The following KCNH1 variants were observed in gnomAD, a reference collection of about 807,000 sequenced individuals.
The protein encoded by KCNH1 is potassium voltage-gated channel subfamily H member 1.
KCNH1 carries 27 observed loss-of-function variants against 69.2 expected under a neutral mutation model. The observed-to-expected ratio is 0.39, with a 90% confidence interval of 0.29 to 0.54. The LOEUF is 0.54. KCNH1 is among the 20% of genes least tolerant of loss of function. The pLI, the probability that KCNH1 is intolerant of heterozygous loss-of-function variation, is 0.68. For synonymous variants in KCNH1, 456 were observed against 487.7 expected (o/e 0.93, Z 0.86); for missense variants, 798 against 1,261.6 (o/e 0.63, Z 5.57).
intron 3 of KCNH1, among the ~76,000 whole-genome samples, chr1:211,092,421 A>G (rs946620650): frequency 1.3e-5 from 2 of 152,238 alleles, no homozygotes; most frequent in African/African-American, 4.8e-5. Flanking sequence ...CCCAACGGAA[A>G]TGTGTTCTCC....
At chr1:210,878,236 C>G (rs1686422942) in intron 7 of KCNH1, among the ~76,000 whole-genome samples, 1 of 151,604 alleles carries the variant, frequency 6.6e-6, no homozygotes, top group African/African-American at 2.4e-5. Context: ...ATAGACAGAC[C>G]CAGGAGGCAG....
intron 6 of KCNH1, among the ~76,000 whole-genome samples, chr1:210,960,171 T>A (rs1262674889): frequency 6.6e-6 from 1 of 152,222 alleles, no homozygotes; most frequent in Non-Finnish European, 1.5e-5. Context: ...ATGAATCCAC[T>A]ATGCAGCCTG....
intron 6 of KCNH1, among the ~76,000 whole-genome samples, chr1:210,996,180 T>C (rs1571561932): frequency 6.6e-6 from 1 of 151,672 alleles, no homozygotes; most frequent in African/African-American, 2.4e-5. Context: ...CGAAGCAGGG[T>C]GAGGCATCGC....
chr1:210,939,120 A>G (rs1687833637), intron 6 of KCNH1, among the ~76,000 whole-genome samples: 1 of 152,080 alleles, frequency 6.6e-6, no homozygotes, highest in Non-Finnish European at 1.5e-5. Context: ...ATGGTCCTTC[A>G]CTCATTCTTT....
At chr1:210,716,875 G>A (rs1048658120) in intron 10 of KCNH1, among the ~76,000 whole-genome samples, 1 of 152,128 alleles carries the variant, frequency 6.6e-6, no homozygotes, top group African/African-American at 2.4e-5. Flanking sequence ...AGAAAGTGGG[G>A]CTAGAGGTTC....
intron 5 of KCNH1, among the ~76,000 whole-genome samples, chr1:211,062,209 T>C (rs1571616873): frequency 1.3e-5 from 2 of 152,096 alleles, no homozygotes; most frequent in Admixed American, 6.5e-5. Context: ...AAAACATACA[T>C]TGGGGAAAGA....
rs1399246052 is a variant in KCNH1, at chr1:211,002,271, T to C, written c.1032+16512A>G. Among the ~76,000 whole-genome samples the C allele has an allele frequency of 2.0e-5, 3 of 149,402 alleles. No individual in the cohort carries two copies. The South Asian group carries it at 6.4e-4, about 32-fold the overall frequency. ...ACGTATATATATACACACACACACATATATATACGTATGTATACATGTATA... is the reference window on the plus strand; with the variant it reads ...ACGTATATATATACACACACACACACATATATACGTATGTATACATGTATA... On this transcript the variant is annotated intron_variant, in intron 6 of 10. Transcript: ENST00000271751.
chr1:210,950,596 A>G (rs1025186824), intron 6 of KCNH1, among the ~76,000 whole-genome samples: 1 of 151,196 alleles, frequency 6.6e-6, no homozygotes, highest in Non-Finnish European at 1.5e-5. Context: ...TATGTGCCAC[A>G]TTTTCTTAAT....
chr1:210,812,357 T>C (rs950194399), intron 7 of KCNH1, among the ~76,000 whole-genome samples: 1 of 152,188 alleles, frequency 6.6e-6, no homozygotes, highest in African/African-American at 2.4e-5. Flanking sequence ...CTACTCTTAC[T>C]ATCCTGCCAC....
At chr1:211,034,212 A>G (rs993129265) in intron 5 of KCNH1, among the ~76,000 whole-genome samples, 10 of 152,176 alleles carry the variant, frequency 6.6e-5, no homozygotes, top group Admixed American at 3.3e-4. Flanking sequence ...AAATGGTTAA[A>G]CTGTGTTGCT....
intron 7 of KCNH1, among the ~76,000 whole-genome samples, chr1:210,888,791 A>G (rs1002701941): frequency 2.6e-5 from 4 of 152,258 alleles, no homozygotes; most frequent in South Asian, 2.1e-4. Flanking sequence ...TATGCGAATG[A>G]ACTAGAAAAT....
intron 6 of KCNH1, among the ~76,000 whole-genome samples, chr1:210,977,434 AAAGTAT>A (rs1273848155): frequency 1.3e-5 from 2 of 151,650 alleles, no homozygotes; most frequent in Non-Finnish European, 1.5e-5. Flanking sequence ...CCTAGAACTT[AAAGTAT>A]AATTTAAAAA....
intron 7 of KCNH1, among the ~76,000 whole-genome samples, chr1:210,869,520 T>C (rs1388355738): frequency 7.4e-6 from 1 of 134,548 alleles, no homozygotes. Flanking sequence ...TGTGTGTGTG[T>C]GTGTGTGCTT....
chr1:210,778,530 CAAAA>C (rs10679033), intron 9 of KCNH1, among the ~76,000 whole-genome samples: 3 of 122,382 alleles, frequency 2.5e-5, no homozygotes, highest in African/African-American at 6.1e-5. Flanking sequence ...GACTCTGTCT[CAAAA>C]AAAAAAAAAA....
intron 5 of KCNH1, among the ~76,000 whole-genome samples, chr1:211,035,236 CTTTTTTTTTTTTTTTT>C (rs765170558): frequency 4.0e-5 from 3 of 75,050 alleles, no homozygotes; most frequent in Admixed American, 1.8e-4. Context: ...TACTGGCATT[CTTTTTTTTTTTTTTTT>C]TTTTTTTTTT....
At chr1:211,020,250 A>G (rs2102129) in intron 5 of KCNH1, among the ~76,000 whole-genome samples, 2 of 151,572 alleles carry the variant, frequency 1.3e-5, no homozygotes, top group Admixed American at 1.3e-4. Context: ...ACCCAAACCT[A>G]TAACTAAGAA....
chr1:210,718,618 A>ATGTG (rs59583947), intron 10 of KCNH1, among the ~76,000 whole-genome samples: 7 of 71,622 alleles, frequency 9.8e-5, no homozygotes, highest in African/African-American at 3.6e-4. Flanking sequence ...AATTATATGT[A>ATGTG]TGTGTGTATA....
intron 5 of KCNH1, among the ~76,000 whole-genome samples, chr1:211,044,213 T>A (rs967730725): frequency 2.0e-5 from 3 of 152,008 alleles, no homozygotes; most frequent in African/African-American, 7.2e-5. Context: ...TCCAAAGAGG[T>A]CCTAGAACTG....
intron 8 of KCNH1, among the ~76,000 whole-genome samples, chr1:210,799,562 GC>G (rs1019092974): frequency 6.6e-6 from 1 of 152,154 alleles, no homozygotes; most frequent in African/African-American, 2.4e-5. Context: ...ACATTGCATG[GC>G]CCCCTACATA....
Sources: gnomAD v4.1 joint callset for allele counts (sites outside exome capture counted in the v4.1 genomes callset) on GRCh38, gnomAD v4.1.1 for gene constraint, MANE v1.5 for transcripts, NCBI Gene and HGNC (gene_info 2026-07-23, HGNC 2026-07-21) for gene names.